GSE1: variants seen among roughly 807,000 people sequenced by gnomAD.
GSE1 encodes the protein Gse1 coiled-coil protein.
Under a neutral mutation model 112.6 loss-of-function variants are expected in GSE1, and 32 were observed. The observed-to-expected ratio is 0.28, with a 90% CI of 0.21 to 0.38. The LOEUF is 0.38. Ranked by LOEUF, GSE1 falls within the 10% of genes least tolerant of loss-of-function variation. GSE1 has a pLI of 1.00. For synonymous variants in GSE1, 1,115 were observed against 735.6 expected, an observed-to-expected ratio of 1.52 and a Z score of -8.35; for missense variants, 2,348 against 1,699.2, an observed-to-expected ratio of 1.38 and a Z score of -6.71.
intron 2 of GSE1, among the ~76,000 whole-genome samples, chr16:85,482,500 T>TG (rs2050711375): frequency 6.7e-6 from 1 of 148,220 alleles, no homozygotes; most frequent in African/African-American, 2.5e-5. Flanking sequence ...GTGACTCAGT[T>TG]CCCCCCCCAA....
At chr16:85,536,492 G>C (rs754402879) in intron 2 of GSE1, among the ~76,000 whole-genome samples, 1 of 152,216 alleles carries the variant, frequency 6.6e-6, no homozygotes, top group Non-Finnish European at 1.5e-5. Flanking sequence ...TGTGTGGGCC[G>C]CGGGCAGGGC....
intron 2 of GSE1, among the ~76,000 whole-genome samples, chr16:85,417,083 T>A (rs1478803417): frequency 6.6e-6 from 1 of 152,228 alleles, no homozygotes; most frequent in Non-Finnish European, 1.5e-5. Flanking sequence ...CTCAAACTTA[T>A]GGGCTCAATC....
chr16:85,624,998 C>G (rs2048974420), intron 1 of GSE1, among the ~76,000 whole-genome samples: 1 of 152,196 alleles, frequency 6.6e-6, no homozygotes, highest in Non-Finnish European at 1.5e-5. Flanking sequence ...AGCCGGCGCC[C>G]TGTAAAAGTT....
chr16:85,446,913 C>T (rs1049689859), intron 2 of GSE1, among the ~76,000 whole-genome samples: 2 of 152,142 alleles, frequency 1.3e-5, no homozygotes, highest in Non-Finnish European at 2.9e-5. Context: ...CACGGGCACA[C>T]CCTCCTCCTG....
At chr16:85,403,324 C>A (rs908397519) in intron 2 of GSE1, among the ~76,000 whole-genome samples, 2 of 152,234 alleles carry the variant, frequency 1.3e-5, no homozygotes, top group Non-Finnish European at 2.9e-5. Flanking sequence ...GTCACCAGGT[C>A]CAGCCCACAC....
intron 1 of GSE1, among the ~76,000 whole-genome samples, chr16:85,581,303 G>A (rs967856565): frequency 6.6e-6 from 1 of 152,196 alleles, no homozygotes; most frequent in African/African-American, 2.4e-5. Flanking sequence ...AGGAAATGAG[G>A]AAGGTTGGCA....
At chr16:85,517,999 C>A (rs949020379) in intron 2 of GSE1, among the ~76,000 whole-genome samples, 1 of 152,254 alleles carries the variant, frequency 6.6e-6, no homozygotes, top group African/African-American at 2.4e-5. Flanking sequence ...TCTGCCTCCC[C>A]GTCGCTTCCT....
At position 85,511,495 on chromosome 16, in the gene GSE1, T is replaced by G. The variant is rs1178062761; in HGVS notation, c.2465-122419T>G. Among the ~76,000 whole-genome samples, 4 of 143,106 alleles carry G rather than the reference T, an allele frequency of 2.8e-5. No individual in the cohort carries two copies. The East Asian group carries it at 8.2e-4, about 29-fold the overall frequency. The allele number at this position is 143,106 out of a possible 152,430, so 93.9% of individuals were successfully genotyped here. A position where few individuals can be genotyped will look rare whatever the true frequency, so the allele number is the denominator to read the frequency against. On this transcript the variant is annotated intron_variant, in intron 2 of 2. Coordinates refer to the GSE1 transcript ENST00000637419. ...GTGAGTCGAGATTGTGCCATTGCAC[T>G]CCAGCCTGGGCAACAAGAGCAAAAC...
chr16:85,435,433 C>T (rs1175876763), intron 2 of GSE1, among the ~76,000 whole-genome samples: 6 of 152,214 alleles, frequency 3.9e-5, no homozygotes, highest in African/African-American at 1.4e-4. Flanking sequence ...TGCACCCTCC[C>T]TCCCTCTCCC....
At chr16:85,233,767 G>A (rs1904327029) in intron 1 of GSE1, among the ~76,000 whole-genome samples, 1 of 152,174 alleles carries the variant, frequency 6.6e-6, no homozygotes, top group Non-Finnish European at 1.5e-5. Context: ...CTCCTGGCAG[G>A]TTCTCAGCTG....
chr16:85,309,666 C>T (rs1460313122), intron 1 of GSE1, among the ~76,000 whole-genome samples: 1 of 152,256 alleles, frequency 6.6e-6, no homozygotes, highest in African/African-American at 2.4e-5. Flanking sequence ...ACCTCTCCTG[C>T]TCTGCAGACG....
At position 85,655,833 on chromosome 16, in the gene GSE1, C is replaced by T; in HGVS notation, c.905C>T (p.Ser302Phe). ...LHPSAMHLHL[S>F]GVRYPPELSH... is the part of the protein sequence containing the mutation. ...CCATCAGCGATGCACCTGCACCTCT[C>T]TGGGGTCCGCTACCCTCCCGAGCTC... Residue 302 changes from serine (S) to phenylalanine (F), a missense_variant, in exon 6 of 16, where the codon TCT becomes TTT. Physicochemically the swap from Ser to Phe is radical, Grantham distance 155. Transcript: ENST00000253458. 1.2e-6 allele frequency: 2 copies of T among 1,610,936 alleles called. No individual in the cohort carries two copies. The highest frequency in any genetic ancestry group is 1.7e-6 in the Non-Finnish European group (2 of 1,179,678).
At chr16:85,222,049 G>T (rs1567619486) in intron 1 of GSE1, among the ~76,000 whole-genome samples, 1 of 152,184 alleles carries the variant, frequency 6.6e-6, no homozygotes, top group Admixed American at 6.5e-5. Flanking sequence ...GGAGCCTGGG[G>T]TACGCAGGCC....
In GSE1 at chr16:85,409,758, T is replaced by C. The variant is rs138369971; in HGVS notation, c.2464+52115T>C. On this transcript the variant is annotated intron_variant, in intron 2 of 2. Transcript: ENST00000637419. The stretch of plus-strand genomic sequence containing the variant: ...CTCAGGCCCCCCGGATAATCCTCAC[T>C]GTTGCACTCAGGGTCCCTCTGATAA... Among the ~76,000 whole-genome samples the C allele has an allele frequency of 3.4e-3, 7 of 2,080 alleles. No homozygotes were observed. The Non-Finnish European group carries it at 0.056, about 17-fold the overall frequency. The allele number at this position is 2,080 out of a possible 152,430, so 1.4% of individuals were successfully genotyped here.
chr16:85,613,270 C>T (rs2048115852), upstream of GSE1: 1 of 1,533,898 alleles, frequency 6.5e-7, no homozygotes, highest in African/African-American at 1.4e-5. Flanking sequence ...GAAGCTCCAC[C>T]TCCCCAGCGG....
intron 1 of GSE1, among the ~76,000 whole-genome samples, chr16:85,587,955 C>T (rs1489951101): frequency 6.6e-6 from 1 of 152,176 alleles, no homozygotes; most frequent in Non-Finnish European, 1.5e-5. Context: ...TTAAATGTAA[C>T]GTCACCCCTG....
chr16:85,351,695 T>A (rs1023764034), intron 1 of GSE1, among the ~76,000 whole-genome samples: 2 of 152,196 alleles, frequency 1.3e-5, no homozygotes, highest in Non-Finnish European at 1.5e-5. Flanking sequence ...AAGCATTTTT[T>A]AAAATAGCCT....
chr16:85,467,908 G>C (rs2050170577), intron 2 of GSE1, among the ~76,000 whole-genome samples: 1 of 152,246 alleles, frequency 6.6e-6, no homozygotes, highest in African/African-American at 2.4e-5. Flanking sequence ...GCACATCTCT[G>C]AGCTGGGACC....
chr16:85,424,858 G>C (rs1040359124), intron 2 of GSE1, among the ~76,000 whole-genome samples: 1 of 152,266 alleles, frequency 6.6e-6, no homozygotes, highest in East Asian at 1.9e-4. Context: ...CACTTACAGC[G>C]ATCAGTGGAA....
Sources: allele counts gnomAD v4.1 joint callset (sites outside exome capture counted in the v4.1 genomes callset), GRCh38; gene constraint gnomAD v4.1.1; transcripts MANE v1.5; gene names NCBI Gene and HGNC (gene_info 2026-07-23, HGNC 2026-07-21).